DOCK10: variants seen among roughly 807,000 people sequenced by gnomAD.
DOCK10 encodes dedicator of cytokinesis protein 10.
DOCK10 carries 145 observed loss-of-function variants against 280.1 expected under a neutral mutation model. That is an observed-to-expected ratio of 0.52 (90% CI 0.45 to 0.59). The LOEUF (loss-of-function observed/expected upper bound fraction) is 0.59. Among genes scored for constraint, DOCK10 ranks in the 20% least tolerant of loss-of-function variants. DOCK10 has a pLI of 0.00. For missense variants in DOCK10, 2,368 were observed against 2,651.7 expected (o/e 0.89, Z 2.35); for synonymous variants, 915 against 942.2 (o/e 0.97, Z 0.53).
intron 52 of DOCK10, among the ~76,000 whole-genome samples, chr2:224,774,690 C>G (rs1028684853): frequency 1.3e-5 from 2 of 152,146 alleles, no homozygotes; most frequent in African/African-American, 4.8e-5. Flanking sequence ...AATAGGTATG[C>G]AAAGCAACTC....
intron 1 of DOCK10, among the ~76,000 whole-genome samples, chr2:224,968,233 T>A (rs1306241211): frequency 6.6e-6 from 1 of 152,236 alleles, no homozygotes; most frequent in Non-Finnish European, 1.5e-5. Context: ...GTATTTTTGC[T>A]GACCGAAATA....
At chr2:224,874,858 G>A (rs747765189) in intron 8 of DOCK10, 107 bp from the exon 9 acceptor site, 27 of 932,560 alleles carry the variant, frequency 2.9e-5, no homozygotes, top group East Asian at 1.7e-4. Context: ...TAAGAGGGAC[G>A]TTGGTGAGCC....
rs1051918659 is a variant in DOCK10 at position 225,015,437 on chromosome 2, G to A, written c.123+26815C>T. Among the ~76,000 whole-genome samples the A allele has an allele frequency of 2.0e-5, 3 of 152,282 alleles. No individual in the cohort carries two copies. In the Middle Eastern group the frequency reaches 0.01, roughly 518 times the overall value. ...GGACCAAGTTCATCTTTGGAACGTT[G>A]ATCTGACTGGGTACTTTCCTTAGCA... On this transcript the variant is annotated intron_variant, in intron 1 of 55. Coordinates refer to ENST00000258390, the MANE Select transcript of DOCK10 (RefSeq NM_014689.3).
intron 1 of DOCK10, among the ~76,000 whole-genome samples, chr2:224,974,818 TA>T (rs1705319290): frequency 7.7e-6 from 1 of 129,182 alleles, no homozygotes; most frequent in African/African-American, 2.6e-5. Flanking sequence ...ATTATATATA[TA>T]ATATATATAT....
chr2:224,916,850 G>T, intron 2 of DOCK10, 66 bp from the exon 3 acceptor site: 1 of 1,215,572 alleles, frequency 8.2e-7, no homozygotes, highest in South Asian at 1.3e-5. Context: ...CCAGCACACT[G>T]AACACACAAA....
chr2:224,793,423 A>T lies in DOCK10; in HGVS notation c.5189T>A (p.Ile1730Asn). Residue 1730 changes from isoleucine to asparagine, a missense_variant, in exon 46 of 56, where the codon ATT (isoleucine) becomes AAT (asparagine). Ile to Asn is a moderately radical substitution (Grantham distance 149). Around this residue, in one of 2 missense-constraint regions of DOCK10, gnomAD observed 1,159 missense variants for 1,400.8 expected, o/e 0.83. Transcript: ENST00000258390. The stretch of plus-strand genomic sequence containing the variant: ...ACCCTTTCTTTTCAGATACTCTGCA[A>T]TGAGAGCAGCAATATGGATGTAACA... ...AMCYIHIAAL[I>N]AEYLKRKGYW... is the part of the protein sequence containing the mutation. 6.2e-7 allele frequency: 1 copy of T among 1,613,632 alleles called. No homozygotes were observed. Among genetic ancestry groups the T allele is most frequent in the Non-Finnish European group, 8.5e-7 (1 of 1,179,704 alleles).
In DOCK10 at chr2:224,765,311, A is replaced by C. The variant is rs1559348166; in HGVS notation, c.*410T>G. The C allele has an allele frequency of 1.3e-5, 2 of 155,534 alleles. No homozygotes were observed. The highest frequency in any genetic ancestry group is 6.4e-5 in the Admixed American group (1 of 15,666). The allele number at this position is 155,534 out of a possible 1,614,324, so 9.6% of individuals were successfully genotyped here. ...AGTACTGTCATAGTATTAACTAAAA[A>C]GGATCTTTTAAATTTGGTAAAAACC... is the stretch of plus-strand genomic sequence containing the variant. On this transcript the variant is annotated 3_prime_UTR_variant, in exon 56 of 56. Coordinates refer to ENST00000258390, the MANE Select transcript of DOCK10 (RefSeq NM_014689.3).
chr2:224,852,349 G>A, intron 18 of DOCK10, 28 bp downstream of exon 18: 2 of 1,550,602 alleles, frequency 1.3e-6, no homozygotes, highest in Non-Finnish European at 1.7e-6. Flanking sequence ...CCCACTTTAT[G>A]CTGGGTCCCT....
intron 3 of DOCK10, among the ~76,000 whole-genome samples, chr2:224,896,606 A>G (rs1700002393): frequency 6.6e-6 from 1 of 152,036 alleles, no homozygotes; most frequent in East Asian, 1.9e-4. Flanking sequence ...AATCCCACCT[A>G]CTCGGGAGGC....
intron 50 of DOCK10, chr2:224,784,606 C>A: frequency 3.8e-6 from 3 of 799,148 alleles, no homozygotes; most frequent in Non-Finnish European, 5.4e-6. Flanking sequence ...TGAATGAAAG[C>A]AGGATTATCT....
intron 1 of DOCK10, among the ~76,000 whole-genome samples, chr2:225,018,489 T>C (rs1234177957): frequency 7.6e-6 from 1 of 131,624 alleles, no homozygotes; most frequent in East Asian, 2.0e-4. Context: ...CATGTAAACA[T>C]ATATATATAA....
chr2:224,767,605 CT>C (rs1690144761), intron 55 of DOCK10, among the ~76,000 whole-genome samples: 1 of 152,160 alleles, frequency 6.6e-6, no homozygotes, highest in Non-Finnish European at 1.5e-5. Flanking sequence ...CTCCTCAGAC[CT>C]TTGCTCATGC....
At chr2:224,926,295 T>G (rs1340740656) in intron 2 of DOCK10, among the ~76,000 whole-genome samples, 1 of 152,228 alleles carries the variant, frequency 6.6e-6, no homozygotes, top group Non-Finnish European at 1.5e-5. Flanking sequence ...GATAATCTAT[T>G]GAATGCCTAT....
chr2:225,014,726 T>C (rs1689545882), intron 1 of DOCK10, among the ~76,000 whole-genome samples: 2 of 152,224 alleles, frequency 1.3e-5, no homozygotes, highest in East Asian at 3.8e-4. Flanking sequence ...TTCTTACTTT[T>C]AATCTCCTAA....
chr2:224,843,800 G>A (rs1696146733), intron 22 of DOCK10, among the ~76,000 whole-genome samples: 1 of 152,164 alleles, frequency 6.6e-6, no homozygotes, highest in South Asian at 2.1e-4. Context: ...ATGAGTTTGT[G>A]GTAATTTAAC....
At chr2:224,873,207 G>A (rs1698401599) in intron 11 of DOCK10, among the ~76,000 whole-genome samples, 1 of 152,146 alleles carries the variant, frequency 6.6e-6, no homozygotes, top group Non-Finnish European at 1.5e-5. Context: ...GGAAGTCACA[G>A]GGTTTGTTAG....
chr2:224,778,753 T>A (rs1379182730), intron 50 of DOCK10, among the ~76,000 whole-genome samples: 1 of 152,190 alleles, frequency 6.6e-6, no homozygotes, highest in African/African-American at 2.4e-5. Flanking sequence ...TTAAATGGGC[T>A]GACGTGCATC....
chr2:224,852,989 T>C lies in DOCK10; in HGVS notation c.2022A>G (p.Gln674=), dbSNP rs1696855218. ...YCRPYRVYKN[Q]IYIYPKHLKY... is the part of the protein sequence containing the mutation. ...TGAGGTGTTTGGGGTAAATATAAATTTGATTTTTATATACTCTGTAAGGCC... is the reference window on the plus strand; with the variant it reads ...TGAGGTGTTTGGGGTAAATATAAATCTGATTTTTATATACTCTGTAAGGCC... Residue 674 remains glutamine (Q), a synonymous_variant, in exon 17 of 56, where the codon CAA becomes CAG. Coordinates refer to ENST00000258390, the MANE Select transcript of DOCK10 (RefSeq NM_014689.3). 1.2e-6 allele frequency: 2 copies of C among 1,610,244 alleles called. No individual in the cohort carries two copies. The highest frequency in any genetic ancestry group is 2.7e-5 in the African/African-American group (2 of 74,874).
chr2:225,040,591 G>C (rs1490984179), intron 1 of DOCK10, among the ~76,000 whole-genome samples: 2 of 151,572 alleles, frequency 1.3e-5, no homozygotes, highest in Non-Finnish European at 2.9e-5. Flanking sequence ...AGAAATTCTA[G>C]TGCCACAAAA....
Sources: allele counts gnomAD v4.1 joint callset (sites outside exome capture counted in the v4.1 genomes callset), GRCh38; gene constraint gnomAD v4.1.1; regional missense constraint gnomAD v4.1.1; transcripts MANE v1.5; gene names NCBI Gene and HGNC (gene_info 2026-07-23, HGNC 2026-07-21).